Variants in KIF6 observed in about 807,000 individuals in gnomAD.
KIF6 encodes kinesin-like protein KIF6.
A neutral mutation model predicts 112.7 loss-of-function variants in KIF6; 106 were observed. The observed-to-expected ratio is 0.94, with a 90% CI of 0.80 to 1.11. KIF6 has a LOEUF of 1.11. KIF6 is among the 50% of genes least tolerant of loss of function. The pLI, the probability that KIF6 is intolerant of heterozygous loss-of-function variation, is 0.00. For missense variants in KIF6, 929 were observed against 964.0 expected (o/e 0.96, Z 0.48); for synonymous variants, 339 against 339.9 (o/e 1.00, Z 0.03).
At chr6:39,589,060 A>C (rs1781792475) in intron 7 of KIF6, among the ~76,000 whole-genome samples, 1 of 152,166 alleles carries the variant, frequency 6.6e-6, no homozygotes. Flanking sequence ...CTTATCTGAC[A>C]TCATGTCCTG....
At chr6:39,639,558 ATTTT>A in intron 4 of KIF6, 48 bp downstream of exon 4, 1 of 1,397,192 alleles carries the variant, frequency 7.2e-7, no homozygotes, top group Non-Finnish European at 9.6e-7. Context: ...CTTTCAGTAT[ATTTT>A]TGCTGAATAT....
At chr6:39,629,118 A>G (rs1441190687) in intron 5 of KIF6, among the ~76,000 whole-genome samples, 1 of 152,140 alleles carries the variant, frequency 6.6e-6, no homozygotes, top group Non-Finnish European at 1.5e-5. Flanking sequence ...AATTATGAAT[A>G]AGACTGCTAT....
intron 15 of KIF6, among the ~76,000 whole-genome samples, chr6:39,391,534 C>A (rs1182306680): frequency 1.3e-5 from 2 of 152,212 alleles, no homozygotes; most frequent in Non-Finnish European, 2.9e-5. Flanking sequence ...TGTTACGGAG[C>A]AGTCACTCCA....
At chr6:39,461,568 T>C (rs1773478148) in intron 13 of KIF6, among the ~76,000 whole-genome samples, 1 of 152,192 alleles carries the variant, frequency 6.6e-6, no homozygotes, top group Non-Finnish European at 1.5e-5. Context: ...TAAACTCATA[T>C]CAAAAATATA....
intron 6 of KIF6, among the ~76,000 whole-genome samples, chr6:39,607,642 C>T (rs796471848): frequency 1.5e-4 from 23 of 151,994 alleles, no homozygotes; most frequent in African/African-American, 4.8e-4. Flanking sequence ...CCCAGGCTGG[C>T]CTCAAACTCC....
chr6:39,511,519 T>C (rs1006500885), intron 13 of KIF6, among the ~76,000 whole-genome samples: 9 of 152,228 alleles, frequency 5.9e-5, no homozygotes, highest in Admixed American at 1.3e-4. Flanking sequence ...TCAACCATTG[T>C]GGAAGACAGT....
intron 15 of KIF6, among the ~76,000 whole-genome samples, chr6:39,410,941 A>T (rs1769431114): frequency 6.6e-6 from 1 of 152,190 alleles, no homozygotes; most frequent in Non-Finnish European, 1.5e-5. Context: ...CCTTGGTCAT[A>T]GTTTCCTGGA....
intron 12 of KIF6, among the ~76,000 whole-genome samples, chr6:39,543,768 G>T (rs1469427440): frequency 6.6e-6 from 1 of 152,120 alleles, no homozygotes; most frequent in Non-Finnish European, 1.5e-5. Flanking sequence ...GAAATATCTG[G>T]GAGGCCTGAG....
At chr6:39,356,091 GT>G (rs773259373) in intron 19 of KIF6, among the ~76,000 whole-genome samples, 1 of 151,702 alleles carries the variant, frequency 6.6e-6, no homozygotes, top group Non-Finnish European at 1.5e-5. Context: ...CTCACACTTG[GT>G]TTTTGGGGAC....
intron 15 of KIF6, among the ~76,000 whole-genome samples, chr6:39,391,865 G>A (rs957743852): frequency 2.6e-5 from 4 of 152,090 alleles, no homozygotes; most frequent in African/African-American, 9.7e-5. Context: ...TCATCAGCCT[G>A]GGCAATGCCT....
intron 3 of KIF6, among the ~76,000 whole-genome samples, chr6:39,676,305 A>G (rs1787135856): frequency 1.6e-5 from 1 of 63,164 alleles, no homozygotes; most frequent in East Asian, 7.4e-4. Flanking sequence ...CAAAAGCTAA[A>G]GAGTGATGGA....
chr6:39,576,739 G>A (rs1052770761), intron 10 of KIF6, among the ~76,000 whole-genome samples: 2 of 152,062 alleles, frequency 1.3e-5, no homozygotes, highest in African/African-American at 4.8e-5. Context: ...CAATCCTAGG[G>A]GCATAGAAGC....
At chr6:39,545,181 A>G (rs933617403) in intron 11 of KIF6, among the ~76,000 whole-genome samples, 1 of 152,242 alleles carries the variant, frequency 6.6e-6, no homozygotes, top group African/African-American at 2.4e-5. Flanking sequence ...TAAAAGTAAA[A>G]GTGATTATAT....
intron 13 of KIF6, among the ~76,000 whole-genome samples, chr6:39,472,236 A>G (rs948464636): frequency 6.6e-6 from 1 of 151,758 alleles, no homozygotes; most frequent in African/African-American, 2.4e-5. Flanking sequence ...GATACTAACA[A>G]CCAAGCCCAA....
At chr6:39,337,172 C>CTTTCTTTCTTTCCTTCTTTCT in intron 22 of KIF6, among the ~76,000 whole-genome samples, 1 of 59,520 alleles carries the variant, frequency 1.7e-5, no homozygotes, top group South Asian at 6.5e-4. Flanking sequence ...TCTTTCCTTC[C>CTTTCTTTCTTTCCTTCTTTCT]TTCTTTCTTT....
chr6:39,611,337 A>T (rs1039996043), intron 6 of KIF6, among the ~76,000 whole-genome samples: 2 of 152,202 alleles, frequency 1.3e-5, no homozygotes, highest in African/African-American at 2.4e-5. Context: ...GAAAAATTTT[A>T]AAAAAGACTT....
At chr6:39,656,723 C>A (rs561118547) in intron 3 of KIF6, among the ~76,000 whole-genome samples, 1 of 152,206 alleles carries the variant, frequency 6.6e-6, no homozygotes, top group Non-Finnish European at 1.5e-5. Context: ...TCTGCCCCAA[C>A]CAAATTTCTT....
At chr6:39,366,787 T>G (rs1293280826) in intron 16 of KIF6, among the ~76,000 whole-genome samples, 3 of 152,006 alleles carry the variant, frequency 2.0e-5, no homozygotes, top group African/African-American at 7.3e-5. Context: ...GGCCAGACCC[T>G]GGAGGATCTT....
chr6:39,584,417 TAAAAAAAAAAAAAAAAAAAAAAAA>T lies in KIF6; in HGVS notation c.1077+457_1077+480del, dbSNP rs61215070. ...TCCAGCCTGAGCAAGACTCTGTCTC[TAAAAAAAAAAAAAAAAAAAAAAAA>T]AAAAAAAAAAAAAAAAAAAGACTAT... On this transcript the variant is annotated intron_variant, in intron 9 of 22. Coordinates refer to ENST00000287152, the MANE Select transcript of KIF6 (RefSeq NM_145027.6). 1.2e-3 allele frequency among the ~76,000 whole-genome samples: 54 copies of T among 46,062 alleles called. 1 individual carries two copies. Among genetic ancestry groups the T allele is most frequent in the Non-Finnish European group, 2.4e-3 (38 of 16,106 alleles). 30.2% of individuals were successfully genotyped at this position (46,062 alleles called of 152,430 possible).
Sources: allele counts gnomAD v4.1 joint callset (sites outside exome capture counted in the v4.1 genomes callset), GRCh38; gene constraint gnomAD v4.1.1; transcripts MANE v1.5; gene names NCBI Gene and HGNC (gene_info 2026-07-23, HGNC 2026-07-21).